SH3D19: variants seen among roughly 807,000 people sequenced by gnomAD.
The protein encoded by SH3D19 is SH3 domain-containing protein 19.
A neutral mutation model predicts 112.1 loss-of-function variants in SH3D19; 58 were observed. The ratio of observed to expected loss-of-function variants is 0.52; its 90% CI spans 0.42 to 0.64. The LOEUF is 0.64. Ranked by LOEUF, SH3D19 falls within the 30% of genes least tolerant of loss-of-function variation. The pLI is 0.00. For missense variants in SH3D19, 1,090 were observed against 1,263.4 expected (o/e 0.86, Z 2.08); for synonymous variants, 391 against 448.5 (o/e 0.87, Z 1.62).
intron 3 of SH3D19, among the ~76,000 whole-genome samples, chr4:151,180,780 C>G (rs1200404604): frequency 1.5e-5 from 2 of 133,174 alleles, no homozygotes; most frequent in African/African-American, 5.5e-5. Context: ...TTTTTTTTTT[C>G]TGAGATGGGG....
chr4:151,133,179 A>T lies in SH3D19; in HGVS notation c.2544T>A (p.Ser848Arg). The T allele has an allele frequency of 6.2e-7, 1 of 1,613,996 alleles. No homozygotes were observed. Among genetic ancestry groups the T allele is most frequent in the Non-Finnish European group, 8.5e-7 (1 of 1,179,986 alleles). The stretch of plus-strand genomic sequence containing the variant: ...GAATAATAATTTCTCCCTCTGAGAA[A>T]CTCAACTCATCCTTCTGCTCTCCAA... ...EYIGEQKDEL[S>R]FSEGEIIILK... Residue 848 changes from serine to arginine, a missense_variant, in exon 16 of 20, where the codon AGT (serine) becomes AGA (arginine). Coordinates refer to ENST00000604030, the MANE Select transcript of SH3D19 (RefSeq NM_001378122.1).
chr4:151,160,544 C>G (rs1756975686), intron 8 of SH3D19, among the ~76,000 whole-genome samples: 1 of 152,142 alleles, frequency 6.6e-6, no homozygotes, highest in Non-Finnish European at 1.5e-5. Flanking sequence ...TTAGTGACAG[C>G]TAATTAAAAT....
At chr4:151,209,442 C>T (rs1765619008) in intron 2 of SH3D19, among the ~76,000 whole-genome samples, 1 of 152,032 alleles carries the variant, frequency 6.6e-6, no homozygotes, top group African/African-American at 2.4e-5. Context: ...CCACGCCCAG[C>T]TAATTTTTTG....
chr4:151,271,219 C>A lies in SH3D19; in HGVS notation c.113-45133G>T, dbSNP rs576339435. On this transcript the variant is annotated intron_variant, in intron 1 of 19. Coordinates refer to ENST00000604030, the MANE Select transcript of SH3D19 (RefSeq NM_001378122.1). ...AGGATTATAGGCATGAGCCACTATG[C>A]GTGGCCTCAGATATTCTTTAGGAGA... Among the ~76,000 whole-genome samples, 17 of 152,294 alleles carry A rather than the reference C, an allele frequency of 1.1e-4. No individual in the cohort carries two copies. The East Asian group carries it at 3.3e-3, about 29-fold the overall frequency.
chr4:151,224,217 G>A (rs1268604848), intron 2 of SH3D19, among the ~76,000 whole-genome samples: 8 of 152,170 alleles, frequency 5.3e-5, no homozygotes, highest in African/African-American at 1.9e-4. Context: ...GCTGAGGCAG[G>A]AGAATGGCGT....
At chr4:151,302,623 C>G (rs1008086679) in intron 1 of SH3D19, among the ~76,000 whole-genome samples, 1 of 152,166 alleles carries the variant, frequency 6.6e-6, no homozygotes. Context: ...TAGGAAAAAA[C>G]GACTATAGAC....
At chr4:151,137,903 G>A in intron 13 of SH3D19, 41 bp from the exon 14 acceptor site, 1 of 1,536,188 alleles carries the variant, frequency 6.5e-7, no homozygotes, top group Non-Finnish European at 8.7e-7. Flanking sequence ...GAATCATCCT[G>A]GTTGCAGATT....
intron 2 of SH3D19, among the ~76,000 whole-genome samples, chr4:151,222,932 G>A (rs1362997630): frequency 2.0e-5 from 3 of 150,530 alleles, no homozygotes; most frequent in Non-Finnish European, 4.4e-5. Context: ...CTCCCAAAAT[G>A]CTGGGATTAC....
intron 2 of SH3D19, among the ~76,000 whole-genome samples, chr4:151,193,159 C>T (rs901756832): frequency 1.3e-5 from 2 of 152,012 alleles, no homozygotes; most frequent in Non-Finnish European, 2.9e-5. Flanking sequence ...TAAGCAAATC[C>T]CCAGGGATAA....
In SH3D19 at chr4:151,175,645, G is replaced by A. The variant is rs1759821374; in HGVS notation, c.559C>T (p.Pro187Ser). The change falls in exon 7 of 20, where the codon CCT becomes TCT. Residue 187 changes from proline (P) to serine (S), a missense_variant. Pro to Ser is a moderately conservative substitution (Grantham distance 74). Transcript: ENST00000604030. ...TLQAPLKPLQ[P>S]FSAVSSGNLP... ...TTGCCAGACGAGACTGCTGAGAAAG[G>A]CTGAAGAGGCTTGAGAGGTGCCTGT... 3.1e-6 allele frequency: 4 copies of A among 1,306,106 alleles called. No homozygotes were observed. The South Asian group carries it at 1.1e-4, about 37-fold the overall frequency. 80.9% of individuals were successfully genotyped at this position (1,306,106 alleles called of 1,614,324 possible).
intron 8 of SH3D19, among the ~76,000 whole-genome samples, chr4:151,163,342 T>G (rs575218416): frequency 9.1e-4 from 138 of 152,290 alleles, no homozygotes; most frequent in Middle Eastern, 3.4e-3. Context: ...TTGGGGACAA[T>G]GACACAACAG....
At chr4:151,230,006 T>C (rs531699303) in intron 1 of SH3D19, among the ~76,000 whole-genome samples, 3 of 152,290 alleles carry the variant, frequency 2.0e-5, no homozygotes, top group Non-Finnish European at 2.9e-5. Context: ...ATGTGAGGGA[T>C]GCAATGGGGG....
At chr4:151,188,174 T>C (rs1320584978) in intron 2 of SH3D19, among the ~76,000 whole-genome samples, 1 of 152,206 alleles carries the variant, frequency 6.6e-6, no homozygotes, top group African/African-American at 2.4e-5. Context: ...AAATTACCCA[T>C]TTTGTGGTAT....
chr4:151,237,185 G>A (rs1225039027), intron 1 of SH3D19, among the ~76,000 whole-genome samples: 2 of 152,132 alleles, frequency 1.3e-5, no homozygotes, highest in African/African-American at 2.4e-5. Context: ...CTCTGGACAC[G>A]CCGCCTTTAA....
chr4:151,164,139 T>A (rs1757597628), intron 8 of SH3D19, among the ~76,000 whole-genome samples: 1 of 152,238 alleles, frequency 6.6e-6, no homozygotes, highest in South Asian at 2.1e-4. Context: ...AAAGGGAATA[T>A]GCCTGCATAC....
chr4:151,236,943 G>A (rs977337580), intron 1 of SH3D19, among the ~76,000 whole-genome samples: 3 of 152,196 alleles, frequency 2.0e-5, no homozygotes, highest in Admixed American at 6.5e-5. Context: ...GCAGCATGTG[G>A]GTGGGGCCAG....
At chr4:151,243,296 G>C (rs1031636864) in intron 1 of SH3D19, among the ~76,000 whole-genome samples, 12 of 152,316 alleles carry the variant, frequency 7.9e-5, no homozygotes, top group African/African-American at 2.4e-4. Flanking sequence ...AGAGTACTCT[G>C]TTATGAGCAA....
At chr4:151,164,070 A>C (rs1042438698) in intron 8 of SH3D19, among the ~76,000 whole-genome samples, 7 of 152,178 alleles carry the variant, frequency 4.6e-5, no homozygotes, top group African/African-American at 1.2e-4. Flanking sequence ...TCATCAAAAA[A>C]CTGAAACCAA....
intron 1 of SH3D19, among the ~76,000 whole-genome samples, chr4:151,233,161 C>T (rs1010947536): frequency 6.6e-6 from 1 of 151,876 alleles, no homozygotes; most frequent in Non-Finnish European, 1.5e-5. Flanking sequence ...CCCATCACCC[C>T]CAGATGGGAC....
Sources: gnomAD v4.1 joint callset for allele counts (sites outside exome capture counted in the v4.1 genomes callset) on GRCh38, gnomAD v4.1.1 for gene constraint, MANE v1.5 for transcripts, NCBI Gene and HGNC (gene_info 2026-07-23, HGNC 2026-07-21) for gene names.